SMAD3: variants seen among roughly 807,000 people sequenced by gnomAD.
The protein encoded by SMAD3 is SMAD family member 3, also known as MAD homolog 3.
SMAD3 carries 12 observed loss-of-function variants against 51.8 expected under a neutral mutation model. That is an observed-to-expected ratio of 0.23 (90% CI 0.15 to 0.38). The LOEUF is 0.38. SMAD3 is among the 10% of genes least tolerant of loss of function. The pLI, the probability that SMAD3 is intolerant of heterozygous loss-of-function variation, is 1.00. For missense variants in SMAD3, 294 were observed against 565.6 expected, an observed-to-expected ratio of 0.52 and a Z score of 4.87; for synonymous variants, 238 against 227.7, an observed-to-expected ratio of 1.05 and a Z score of -0.41.
In SMAD3 at chr15:67,157,493, G is replaced by C. The variant is rs554443202; in HGVS notation, c.207-7402G>C. ...CTCCTGAGTTCTCTGAGCTGGGCGA[G>C]GGTCCTGGGGGTGTTGCCGTTTCTG... On this transcript the variant is annotated intron_variant, in intron 1 of 8. Transcript: ENST00000327367. 2.0e-5 allele frequency among the ~76,000 whole-genome samples: 3 copies of C among 152,366 alleles called. No homozygotes were observed. In the East Asian group the frequency reaches 5.8e-4, roughly 29 times the overall value.
chr15:67,081,822 A>G (rs1243840095), intron 1 of SMAD3, among the ~76,000 whole-genome samples: 2 of 152,184 alleles, frequency 1.3e-5, no homozygotes, highest in Non-Finnish European at 1.5e-5. Flanking sequence ...CATGCAGTCA[A>G]TGACAGAAAT....
chr15:67,080,584 C>T (rs182906510), intron 1 of SMAD3, among the ~76,000 whole-genome samples: 85 of 152,334 alleles, frequency 5.6e-4, no homozygotes, highest in Middle Eastern at 3.4e-3. Context: ...TCCTGCTCTC[C>T]ACTTTACTTT....
At chr15:67,148,910 T>G (rs1962050608) in intron 1 of SMAD3, among the ~76,000 whole-genome samples, 1 of 152,220 alleles carries the variant, frequency 6.6e-6, no homozygotes, top group Non-Finnish European at 1.5e-5. Context: ...CAGGCAAAGT[T>G]AAGCTAGGTT....
intron 1 of SMAD3, among the ~76,000 whole-genome samples, chr15:67,114,578 G>A (rs1215064789): frequency 1.3e-5 from 2 of 152,206 alleles, no homozygotes; most frequent in South Asian, 2.1e-4. Flanking sequence ...TCATTACTTC[G>A]CAGTTGACAG....
In SMAD3 at chr15:67,067,238, A is replaced by G. The variant is rs528514169; in HGVS notation, c.206+878A>G. Among the ~76,000 whole-genome samples, 5 of 152,222 alleles carry G rather than the reference A, an allele frequency of 3.3e-5. No individual in the cohort carries two copies. The East Asian group carries it at 5.8e-4, about 18-fold the overall frequency. Reference sequence around the variant, plus strand: ...GCCTTCCTTCCCAAAGCGCGCTGCCATCTGTCTGGATCTCCTTTATCCTTC... The same window carrying G: ...GCCTTCCTTCCCAAAGCGCGCTGCCGTCTGTCTGGATCTCCTTTATCCTTC... On this transcript the variant is annotated intron_variant, in intron 1 of 8. Coordinates refer to ENST00000327367, the MANE Select transcript of SMAD3 (RefSeq NM_005902.4).
Position 67,154,361 on chromosome 15 carries a change from G to A in SMAD3, c.207-10534G>A, listed in dbSNP as rs1416672090. ...AATGTTTTAGTGACTGGTATCAAGG[G>A]TTATGAAATCCTGTTTTCAGCTCTT... On this transcript the variant is annotated intron_variant, in intron 1 of 8. Coordinates refer to ENST00000327367, the MANE Select transcript of SMAD3 (RefSeq NM_005902.4). 2.0e-5 allele frequency among the ~76,000 whole-genome samples: 3 copies of A among 152,306 alleles called. No homozygotes were observed. In the East Asian group the frequency reaches 5.8e-4, roughly 29 times the overall value.
intron 6 of SMAD3, among the ~76,000 whole-genome samples, chr15:67,182,832 T>A (rs776957518): frequency 2.0e-5 from 3 of 151,006 alleles, no homozygotes; most frequent in Non-Finnish European, 1.5e-5. Flanking sequence ...CATACCACTG[T>A]TTGATTGATT....
chr15:67,129,320 A>G (rs1961467367), intron 1 of SMAD3, among the ~76,000 whole-genome samples: 1 of 152,222 alleles, frequency 6.6e-6, no homozygotes. Context: ...AGTGTGAGCT[A>G]CAGTGTATGG....
In SMAD3 at chr15:67,172,240, A is replaced by C. The variant is rs1446707929; in HGVS notation, c.658+1636A>C. On this transcript the variant is annotated intron_variant, in intron 5 of 8. Coordinates refer to ENST00000327367, the MANE Select transcript of SMAD3 (RefSeq NM_005902.4). Reference sequence around the variant, plus strand: ...CCCTTCCTCGGGCAGCTTGCCTGAAAGTTGAGAATTCTTAGGTTATTTCTT... The same window carrying C: ...CCCTTCCTCGGGCAGCTTGCCTGAACGTTGAGAATTCTTAGGTTATTTCTT... Among the ~76,000 whole-genome samples, 3 of 152,320 alleles carry C rather than the reference A, an allele frequency of 2.0e-5. No individual in the cohort carries two copies. In the South Asian group the frequency reaches 6.2e-4, roughly 32 times the overall value.
In SMAD3 at chr15:67,191,753, A is replaced by G. The variant is rs150600147; in HGVS notation, c.*1217A>G. 61 of 230,668 alleles carry G rather than the reference A, an allele frequency of 2.6e-4. No homozygotes were observed. Among genetic ancestry groups the G allele is most frequent in the East Asian group, 2.5e-3 (40 of 16,304 alleles). 14.3% of individuals were successfully genotyped at this position (230,668 alleles called of 1,614,324 possible). A position where few individuals can be genotyped will look rare whatever the true frequency, so the allele number is the denominator to read the frequency against. On this transcript the variant is annotated 3_prime_UTR_variant, in exon 9 of 9. Transcript: ENST00000327367. Reference sequence around the variant, plus strand: ...ATAGGCAAATGAAAAGGGCTATTAAAATATTTTTACACCTTTGAAAATTGC... The same window carrying G: ...ATAGGCAAATGAAAAGGGCTATTAAGATATTTTTACACCTTTGAAAATTGC...
chr15:67,181,968 G>C (rs1963074055), intron 6 of SMAD3, among the ~76,000 whole-genome samples: 1 of 152,060 alleles, frequency 6.6e-6, no homozygotes. Context: ...TGTGTTTTTA[G>C]TAGAGACGGG....
At chr15:67,131,546 G>A (rs980304853) in intron 1 of SMAD3, among the ~76,000 whole-genome samples, 2 of 152,316 alleles carry the variant, frequency 1.3e-5, no homozygotes, top group Middle Eastern at 3.4e-3. Flanking sequence ...GCAGGGTGCT[G>A]GTCACAGTTT....
intron 1 of SMAD3, among the ~76,000 whole-genome samples, chr15:67,098,411 A>G (rs1595897469): frequency 6.6e-6 from 1 of 151,910 alleles, no homozygotes; most frequent in African/African-American, 2.4e-5. Context: ...CCTAATTGGA[A>G]CCACAATCGC....
At chr15:67,144,064 T>C (rs1961907675) in intron 1 of SMAD3, among the ~76,000 whole-genome samples, 1 of 152,168 alleles carries the variant, frequency 6.6e-6, no homozygotes, top group Non-Finnish European at 1.5e-5. Context: ...TATTTGTATA[T>C]GCCCATGAAA....
At chr15:67,136,474 C>G (rs533017154) in intron 1 of SMAD3, among the ~76,000 whole-genome samples, 1 of 152,072 alleles carries the variant, frequency 6.6e-6, no homozygotes, top group African/African-American at 2.4e-5. Context: ...GTATTACAGG[C>G]GTGCACCACC....
chr15:67,147,189 T>G (rs1443111036), intron 1 of SMAD3, among the ~76,000 whole-genome samples: 1 of 152,144 alleles, frequency 6.6e-6, no homozygotes, highest in Non-Finnish European at 1.5e-5. Flanking sequence ...CAGAACTGTT[T>G]ACAGAGCCCG....
intron 1 of SMAD3, among the ~76,000 whole-genome samples, chr15:67,120,979 A>C (rs1440226715): frequency 6.6e-6 from 1 of 152,218 alleles, no homozygotes; most frequent in Admixed American, 6.5e-5. Flanking sequence ...ACCCCTGCTT[A>C]GAGAAAGTGC....
chr15:67,177,421 G>GTTTTTTTTTTT (rs1566997484), intron 5 of SMAD3, among the ~76,000 whole-genome samples: 1 of 6,908 alleles, frequency 1.4e-4, no homozygotes. Flanking sequence ...TAGTGTTTTG[G>GTTTTTTTTTTT]GTTTTTTTTT....
In SMAD3 at chr15:67,165,359, C is replaced by T; in HGVS notation, c.507C>T (p.Gly169=). The change falls in exon 3 of 9, where the codon GGC becomes GGT. Residue 169 remains glycine (G), a synonymous_variant. Coordinates refer to ENST00000327367, the MANE Select transcript of SMAD3 (RefSeq NM_005902.4). ...SIPENTNFPA[G]IEPQSNIPET... is the part of the protein sequence containing the mutation. ...CCGAAAACACTAACTTCCCCGCAGG[C>T]ATCGAGCCCCAGAGCAATATTCCAG... The T allele has an allele frequency of 6.2e-7, 1 of 1,614,218 alleles. No individual in the cohort carries two copies. Among genetic ancestry groups the T allele is most frequent in the East Asian group, 2.2e-5 (1 of 44,880 alleles).
Sources: allele counts gnomAD v4.1 joint callset (sites outside exome capture counted in the v4.1 genomes callset), GRCh38; gene constraint gnomAD v4.1.1; transcripts MANE v1.5; gene names NCBI Gene and HGNC (gene_info 2026-07-23, HGNC 2026-07-21).